NYAP2: variants seen among roughly 807,000 people sequenced by gnomAD.
NYAP2 encodes neuronal tyrosine-phosphorylated phosphoinositide-3-kinase adapter 2.
A neutral mutation model predicts 50.4 loss-of-function variants in NYAP2; 23 were observed. That is an observed-to-expected ratio of 0.46 (90% CI 0.33 to 0.65). NYAP2 has a LOEUF of 0.65. Ranked by LOEUF, NYAP2 falls within the 30% of genes least tolerant of loss-of-function variation. The pLI is 0.02. For missense variants in NYAP2, 885 were observed against 861.0 expected (o/e 1.03, Z -0.35); for synonymous variants, 394 against 365.2 (o/e 1.08, Z -0.90).
At chr2:225,668,986 T>TGC in the NYAP2 span, among the ~76,000 whole-genome samples, 2,586 of 73,656 alleles carry the variant, frequency 0.035, 138 homozygotes, top group African/African-American at 0.11. Context: ...TTTTTTTTTT[T>TGC]TGCTGCTAAT....
At chr2:225,491,600 C>A (rs1690408434) in intron 3 of NYAP2, among the ~76,000 whole-genome samples, 1 of 152,170 alleles carries the variant, frequency 6.6e-6, no homozygotes, top group African/African-American at 2.4e-5. Flanking sequence ...GAACTTGGTA[C>A]TATTTCCCCT....
intron 5 of NYAP2, among the ~76,000 whole-genome samples, chr2:225,621,809 G>T (rs550249988): frequency 8.6e-5 from 13 of 151,778 alleles, no homozygotes; most frequent in African/African-American, 2.9e-4. Context: ...TGCTGTGACT[G>T]GCTTATTTTA....
At chr2:225,531,710 G>A (rs1574661825) in intron 4 of NYAP2, among the ~76,000 whole-genome samples, 1 of 152,196 alleles carries the variant, frequency 6.6e-6, no homozygotes, top group African/African-American at 2.4e-5. Flanking sequence ...AGAAAAGCAT[G>A]GTGATTTATG....
At chr2:225,430,592 C>G (rs1421823397) in intron 3 of NYAP2, among the ~76,000 whole-genome samples, 1 of 152,182 alleles carries the variant, frequency 6.6e-6, no homozygotes, top group East Asian at 1.9e-4. Context: ...CCCCACCACA[C>G]TATGAATTAG....
chr2:225,428,968 A>G (rs977607033), intron 3 of NYAP2, among the ~76,000 whole-genome samples: 2 of 152,196 alleles, frequency 1.3e-5, no homozygotes, highest in African/African-American at 4.8e-5. Context: ...AATTCTTTAC[A>G]TGTGACATCT....
At chr2:225,596,992 C>T (rs1343953931) in intron 5 of NYAP2, among the ~76,000 whole-genome samples, 3 of 151,986 alleles carry the variant, frequency 2.0e-5, no homozygotes, top group South Asian at 4.1e-4. Flanking sequence ...TTTAAAAAGT[C>T]GTCTGTTTAA....
intron 5 of NYAP2, among the ~76,000 whole-genome samples, chr2:225,598,036 G>A (rs961317563): frequency 1.3e-5 from 2 of 152,036 alleles, no homozygotes; most frequent in African/African-American, 4.8e-5. Context: ...ATAAAGAATT[G>A]GAGAGAATGC....
downstream of NYAP2, among the ~76,000 whole-genome samples, chr2:225,655,318 A>T (rs1229032430): frequency 2.0e-5 from 3 of 152,136 alleles, no homozygotes; most frequent in Non-Finnish European, 4.4e-5. Context: ...TTTTTTCTTA[A>T]TTTGCTCCTG....
intron 3 of NYAP2, among the ~76,000 whole-genome samples, chr2:225,417,947 G>A (rs1339880983): frequency 2.6e-5 from 4 of 151,972 alleles, no homozygotes; most frequent in East Asian, 1.9e-4. Flanking sequence ...GGTGGAGAAG[G>A]CAGACAAAAA....
the NYAP2 span, among the ~76,000 whole-genome samples, chr2:225,672,577 C>A: frequency 6.6e-6 from 1 of 152,094 alleles, no homozygotes; most frequent in Non-Finnish European, 1.5e-5. Context: ...AAGAACTTTT[C>A]CTTTGCATTC....
At chr2:225,611,375 CAGA>C (rs1342448568) in intron 5 of NYAP2, among the ~76,000 whole-genome samples, 14 of 152,198 alleles carry the variant, frequency 9.2e-5, no homozygotes, top group Admixed American at 2.0e-4. Context: ...AAATTCTTTT[CAGA>C]AGGAGGCCCC....
intron 3 of NYAP2, among the ~76,000 whole-genome samples, chr2:225,413,708 A>G (rs2106122255): frequency 6.6e-6 from 1 of 152,302 alleles, no homozygotes; most frequent in Non-Finnish European, 1.5e-5. Context: ...ACACGTTTTA[A>G]TATTTTTAGC....
At chr2:225,478,716 C>T (rs1265755183) in intron 3 of NYAP2, among the ~76,000 whole-genome samples, 1 of 152,104 alleles carries the variant, frequency 6.6e-6, no homozygotes, top group African/African-American at 2.4e-5. Flanking sequence ...ATACAATGGT[C>T]CTGAAAGCTA....
At chr2:225,601,119 T>C (rs913248666) in intron 5 of NYAP2, among the ~76,000 whole-genome samples, 1 of 140,922 alleles carries the variant, frequency 7.1e-6, no homozygotes, top group Non-Finnish European at 1.5e-5. Flanking sequence ...AATTCTGTGT[T>C]TAAGTTTTTT....
intron 4 of NYAP2, among the ~76,000 whole-genome samples, chr2:225,548,712 C>T (rs1001047237): frequency 2.6e-5 from 4 of 151,974 alleles, no homozygotes; most frequent in African/African-American, 9.7e-5. Flanking sequence ...CCACAATTGA[C>T]AAGAAAAAGG....
chr2:225,591,826 A>T lies in NYAP2; in HGVS notation c.1618+8791A>T, dbSNP rs1289096979. ...AGGGCTCATGACGTTATTCTCAGGG[A>T]TATCTGCTTAATGAAAGAAAGCCTA... On this transcript the variant is annotated intron_variant, in intron 5 of 6. Transcript: ENST00000636099. Among the ~76,000 whole-genome samples the T allele has an allele frequency of 3.3e-5, 5 of 152,178 alleles. No individual in the cohort carries two copies. In the East Asian group the frequency reaches 9.6e-4, roughly 29 times the overall value.
intron 5 of NYAP2, among the ~76,000 whole-genome samples, chr2:225,596,275 G>A (rs1166615705): frequency 1.3e-5 from 2 of 152,114 alleles, no homozygotes; most frequent in Non-Finnish European, 2.9e-5. Flanking sequence ...TCCTTTTTAA[G>A]GGAACTCTGC....
chr2:225,648,185 G>C (rs773103029), intron 6 of NYAP2, among the ~76,000 whole-genome samples: 21 of 152,172 alleles, frequency 1.4e-4, no homozygotes, highest in South Asian at 4.1e-4. Flanking sequence ...ATTTTTAGTA[G>C]AGATAGGGTT....
chr2:225,453,410 C>CAAGCTTCCCAGTGA (rs1357294272), intron 3 of NYAP2, among the ~76,000 whole-genome samples: 3 of 152,118 alleles, frequency 2.0e-5, no homozygotes, highest in African/African-American at 7.2e-5. Context: ...TTATTTCTTT[C>CAAGCTTCCCAGTGA]AAGCTTCCCA....
Sources: allele counts gnomAD v4.1 joint callset (sites outside exome capture counted in the v4.1 genomes callset), GRCh38; gene constraint gnomAD v4.1.1; transcripts MANE v1.5; gene names NCBI Gene and HGNC (gene_info 2026-07-23, HGNC 2026-07-21).